The following JARID2 variants were observed in gnomAD, a reference collection of about 807,000 sequenced individuals.
JARID2 encodes protein Jumonji.
In JARID2, 21 loss-of-function variants were observed where a neutral mutation model predicts 125.6. That is an observed-to-expected ratio of 0.17 (90% CI 0.12 to 0.24). The LOEUF is 0.24. Among genes scored for constraint, JARID2 ranks in the 10% least tolerant of loss-of-function variants. The pLI is 1.00. For missense variants in JARID2, 1,303 were observed against 1,639.6 expected (o/e 0.79, Z 3.55); for synonymous variants, 736 against 661.6 (o/e 1.11, Z -1.73).
At chr6:15,332,131 G>GT (rs1451495351) in intron 1 of JARID2, among the ~76,000 whole-genome samples, 1 of 152,118 alleles carries the variant, frequency 6.6e-6, no homozygotes, top group African/African-American at 2.4e-5. Flanking sequence ...GGAAGGAAGG[G>GT]TGGGGGGATT....
intron 4 of JARID2, among the ~76,000 whole-genome samples, chr6:15,457,211 T>A (rs2127652767): frequency 6.6e-6 from 1 of 152,372 alleles, no homozygotes; most frequent in East Asian, 1.9e-4. Context: ...TTTATCTAAT[T>A]CCTGATGCAC....
intron 1 of JARID2, among the ~76,000 whole-genome samples, chr6:15,304,303 T>TCTCCC (rs1761736405): frequency 3.7e-5 from 1 of 26,716 alleles, no homozygotes; most frequent in African/African-American, 1.3e-4. Flanking sequence ...AATTTGCTGA[T>TCTCCC]CCCCCCCCCC....
chr6:15,275,319 T>C (rs933971442), intron 1 of JARID2, among the ~76,000 whole-genome samples: 1 of 152,172 alleles, frequency 6.6e-6, no homozygotes, highest in Non-Finnish European at 1.5e-5. Flanking sequence ...TTTCCTTTTT[T>C]ACAAAGGCCA....
chr6:15,333,123 G>A (rs1193737985), intron 1 of JARID2, among the ~76,000 whole-genome samples: 1 of 151,430 alleles, frequency 6.6e-6, no homozygotes, highest in Non-Finnish European at 1.5e-5. Flanking sequence ...TAGTAGAGAC[G>A]GGGTTTCACT....
At chr6:15,451,509 A>G (rs1767919088) in intron 3 of JARID2, among the ~76,000 whole-genome samples, 1 of 152,224 alleles carries the variant, frequency 6.6e-6, no homozygotes, top group Non-Finnish European at 1.5e-5. Flanking sequence ...GGCGACAGGG[A>G]CACTGATGGC....
In JARID2 at chr6:15,511,192, G is replaced by A. The variant is rs1218340307; in HGVS notation, c.2847-104G>A. On this transcript the variant is annotated intron_variant, in intron 12 of 17. Coordinates refer to ENST00000341776, the MANE Select transcript of JARID2 (RefSeq NM_004973.4). Reference sequence around the variant, plus strand: ...GCCATCCCTGCCGGCGTGGAGCAGAGCCTCTCGTGTGCTCGGGTCCCTGAG... The same window carrying A: ...GCCATCCCTGCCGGCGTGGAGCAGAACCTCTCGTGTGCTCGGGTCCCTGAG... 3 of 627,052 alleles carry A rather than the reference G, an allele frequency of 4.8e-6. No homozygotes were observed. The African/African-American group carries it at 6.9e-5, about 14-fold the overall frequency. The allele number at this position is 627,052 out of a possible 1,614,324, so 38.8% of individuals were successfully genotyped here. A position where few individuals can be genotyped will look rare whatever the true frequency, so the allele number is the denominator to read the frequency against.
rs768754068 is a variant in JARID2 at position 15,496,763 on chromosome 6, C to T, written c.1538C>T (p.Ala513Val). 6 of 1,613,472 alleles carry T rather than the reference C, an allele frequency of 3.7e-6. No homozygotes were observed. The Admixed American group carries it at 1.0e-4, about 27-fold the overall frequency. The change falls in exon 7 of 18, where the codon GCA (alanine) becomes GTA (valine). Residue 513 changes from alanine (A) to valine (V), a missense_variant. Transcript: ENST00000341776. ...TAGKSTPGRQ[A>V]HGKADSASCE... is the part of the protein sequence containing the mutation. ...GGGAAGAGCACGCCAGGCAGACAAG[C>T]ACATGGCAAGGCGGACAGCGCCTCC...
At chr6:15,362,534 A>C (rs368692475) in intron 1 of JARID2, among the ~76,000 whole-genome samples, 5 of 152,214 alleles carry the variant, frequency 3.3e-5, no homozygotes, top group Admixed American at 3.3e-4. Flanking sequence ...TTTTGCCCCT[A>C]TGAGATGCTC....
At chr6:15,352,831 A>G (rs1405940821) in intron 1 of JARID2, among the ~76,000 whole-genome samples, 1 of 152,244 alleles carries the variant, frequency 6.6e-6, no homozygotes, top group Non-Finnish European at 1.5e-5. Context: ...CGCATAGCAT[A>G]GCGCCACGAG....
At chr6:15,500,303 C>G (rs1770671283) in intron 7 of JARID2, among the ~76,000 whole-genome samples, 1 of 152,164 alleles carries the variant, frequency 6.6e-6, no homozygotes, top group Admixed American at 6.5e-5. Flanking sequence ...TGTCCTCACG[C>G]AGGTGTTGCT....
At chr6:15,301,584 A>G (rs377030409) in intron 1 of JARID2, among the ~76,000 whole-genome samples, 21 of 152,208 alleles carry the variant, frequency 1.4e-4, no homozygotes, top group African/African-American at 5.1e-4. Flanking sequence ...ACCACATTTT[A>G]TTTTCTCTTG....
At chr6:15,459,997 T>C (rs9383056) in intron 4 of JARID2, among the ~76,000 whole-genome samples, 39,413 of 152,050 alleles carry the variant, frequency 0.26, 5,188 homozygotes, top group Middle Eastern at 0.38. Flanking sequence ...TGAGGGTCTC[T>C]GGGAGTTGTT....
intron 1 of JARID2, among the ~76,000 whole-genome samples, chr6:15,351,220 G>T (rs925236004): frequency 6.6e-6 from 1 of 152,146 alleles, no homozygotes; most frequent in Non-Finnish European, 1.5e-5. Context: ...GCATTTCTGA[G>T]TAATACCAAC....
intron 7 of JARID2, 25 bp from the exon 8 acceptor site, chr6:15,500,882 G>A (rs760682804): frequency 1.0e-5 from 16 of 1,566,274 alleles, no homozygotes; most frequent in Admixed American, 9.2e-5. Flanking sequence ...TAACTGTCCC[G>A]TTTTTTTCCC....
At chr6:15,451,248 T>C (rs1404741885) in intron 3 of JARID2, among the ~76,000 whole-genome samples, 2 of 152,224 alleles carry the variant, frequency 1.3e-5, no homozygotes, top group Non-Finnish European at 2.9e-5. Flanking sequence ...GGAATTGAAA[T>C]GTACTCTGTA....
At chr6:15,419,687 C>G (rs1184744875) in intron 3 of JARID2, among the ~76,000 whole-genome samples, 1 of 152,206 alleles carries the variant, frequency 6.6e-6, no homozygotes, top group Non-Finnish European at 1.5e-5. Context: ...CATTCACCAT[C>G]AGTACTTCAG....
intron 2 of JARID2, among the ~76,000 whole-genome samples, chr6:15,376,766 G>GT (rs1393985175): frequency 6.6e-6 from 1 of 152,128 alleles, no homozygotes; most frequent in Non-Finnish European, 1.5e-5. Context: ...CTTAAACAAA[G>GT]TGTACTTTCT....
chr6:15,264,310 C>A (rs1432327921), intron 1 of JARID2, among the ~76,000 whole-genome samples: 1 of 152,052 alleles, frequency 6.6e-6, no homozygotes, highest in East Asian at 1.9e-4. Flanking sequence ...ATTACATAGT[C>A]CTCAGGTTCA....
chr6:15,495,787 C>T (rs1449560352), intron 6 of JARID2, among the ~76,000 whole-genome samples: 1 of 152,080 alleles, frequency 6.6e-6, no homozygotes, highest in Non-Finnish European at 1.5e-5. Flanking sequence ...TTGCATGGCA[C>T]GTGGGGAGGT....
Sources: gnomAD v4.1 joint callset for allele counts (sites outside exome capture counted in the v4.1 genomes callset) on GRCh38, gnomAD v4.1.1 for gene constraint, MANE v1.5 for transcripts, NCBI Gene and HGNC (gene_info 2026-07-23, HGNC 2026-07-21) for gene names.